CCDC144A: variants seen among roughly 807,000 people sequenced by gnomAD.
CCDC144A encodes coiled-coil domain-containing protein 144A.
CCDC144A carries 41 observed loss-of-function variants against 143.8 expected under a neutral mutation model. The ratio of observed to expected loss-of-function variants is 0.29; its 90% CI spans 0.22 to 0.37. The LOEUF (loss-of-function observed/expected upper bound fraction) is 0.37. Among genes scored for constraint, CCDC144A ranks in the 10% least tolerant of loss-of-function variants. CCDC144A has a pLI of 1.00. For missense variants in CCDC144A, 637 were observed against 1,488.8 expected, an observed-to-expected ratio of 0.43 and a Z score of 9.41; for synonymous variants, 242 against 517.9, an observed-to-expected ratio of 0.47 and a Z score of 7.23.
intron 12 of CCDC144A, among the ~76,000 whole-genome samples, chr17:16,743,687 C>G (rs1450291996): frequency 6.6e-6 from 1 of 152,000 alleles, no homozygotes; most frequent in Non-Finnish European, 1.5e-5. Flanking sequence ...CTTATTCTTT[C>G]TCTTTCTTAA....
rs1437510736 is a variant in CCDC144A at position 16,775,222 on chromosome 17, A to G, written c.*1589A>G. 13 of 152,236 alleles carry G rather than the reference A, an allele frequency of 8.5e-5. No individual in the cohort carries two copies. Among genetic ancestry groups the G allele is most frequent in the Non-Finnish European group, 1.8e-4 (12 of 68,052 alleles). The allele number at this position is 152,236 out of a possible 1,614,324, so 9.4% of individuals were successfully genotyped here. On this transcript the variant is annotated 3_prime_UTR_variant, in exon 17 of 17. Transcript: ENST00000399273. ...GAATTAGTTATATTCCTTTGGGTAT[A>G]TACCAAGTAATGGGATTGCTGGGTT...
chr17:16,726,654 CA>C (rs1198684612), intron 8 of CCDC144A, among the ~76,000 whole-genome samples: 2 of 151,958 alleles, frequency 1.3e-5, no homozygotes, highest in African/African-American at 4.8e-5. Context: ...TGTTTCTTTC[CA>C]GTGTTTTTTA....
chr17:16,690,762 G>T lies in CCDC144A; in HGVS notation c.344+18G>T. On this transcript the variant is annotated intron_variant, in intron 1 of 16. Coordinates refer to ENST00000399273, the MANE Select transcript of CCDC144A (RefSeq NM_001382000.1). ...AAGAAGAGGTAATGGCCAGGCGAAG[G>T]ATGCGCCGTCCTGTCGGGGACACTG... is the stretch of plus-strand genomic sequence containing the variant. The T allele has an allele frequency of 1.3e-6, 2 of 1,585,302 alleles. No homozygotes were observed. Among genetic ancestry groups the T allele is most frequent in the Non-Finnish European group, 1.7e-6 (2 of 1,161,600 alleles).
chr17:16,777,021 C>T lies in CCDC144A; in HGVS notation c.*3388C>T, dbSNP rs1215490861. The stretch of plus-strand genomic sequence containing the variant: ...GGCAAAGGGTTGGAAAAAGACACTT[C>T]GTCTAAATGGACACATCAAAAGCGA... On this transcript the variant is annotated 3_prime_UTR_variant, in exon 17 of 17. Coordinates refer to ENST00000399273, the MANE Select transcript of CCDC144A (RefSeq NM_001382000.1). 45 of 139,152 alleles carry T rather than the reference C, an allele frequency of 3.2e-4. No homozygotes were observed. Among genetic ancestry groups the T allele is most frequent in the African/African-American group, 1.1e-3 (40 of 35,746 alleles). 8.6% of individuals were successfully genotyped at this position (139,152 alleles called of 1,614,324 possible).
At chr17:16,742,457 T>C (rs1341247145) in intron 12 of CCDC144A, among the ~76,000 whole-genome samples, 1 of 152,182 alleles carries the variant, frequency 6.6e-6, no homozygotes, top group Non-Finnish European at 1.5e-5. Context: ...ATCAACCACA[T>C]TGATCTGTTG....
At chr17:16,733,498 C>T (rs184926250) in intron 11 of CCDC144A, among the ~76,000 whole-genome samples, 230 of 147,326 alleles carry the variant, frequency 1.6e-3, no homozygotes, top group African/African-American at 5.4e-3. Context: ...TGCGAGACTC[C>T]GTCTCAAAAA....
At chr17:16,711,144 A>AAAAAAAAC (rs1555531715) in intron 5 of CCDC144A, among the ~76,000 whole-genome samples, 6 of 135,522 alleles carry the variant, frequency 4.4e-5, no homozygotes, top group African/African-American at 1.4e-4. Context: ...ATGAAAAAAA[A>AAAAAAAAC]AAAAAAAAAA....
At chr17:16,737,205 C>T (rs1027204482) in intron 12 of CCDC144A, among the ~76,000 whole-genome samples, 5 of 119,424 alleles carry the variant, frequency 4.2e-5, no homozygotes, top group South Asian at 2.8e-4. Context: ...CTCGCTCTGT[C>T]GCCCAGGCTG....
chr17:16,772,138 T>C (rs1424716406), intron 16 of CCDC144A, 119 bp downstream of exon 16: 1 of 631,532 alleles, frequency 1.6e-6, no homozygotes, highest in Non-Finnish European at 2.8e-6. Context: ...TATTCTTTCA[T>C]ATACATCTAA....
At chr17:16,696,696 C>T (rs923507559) in intron 2 of CCDC144A, among the ~76,000 whole-genome samples, 2 of 151,118 alleles carry the variant, frequency 1.3e-5, no homozygotes, top group African/African-American at 4.9e-5. Flanking sequence ...TTCCTGTAGG[C>T]CATGGGAAAT....
chr17:16,683,672 A>C, the CCDC144A span: 2 of 1,606,014 alleles, frequency 1.2e-6, no homozygotes, highest in African/African-American at 2.7e-5. Context: ...CGGAAGTTTC[A>C]GAAGGGCAGG....
chr17:16,673,429 C>T, the CCDC144A span, among the ~76,000 whole-genome samples: 1 of 150,940 alleles, frequency 6.6e-6, no homozygotes, highest in African/African-American at 2.4e-5. Context: ...TTTTGTTGCC[C>T]AGGCTGGAGT....
rs1912237324 is a variant in CCDC144A at position 16,709,173 on chromosome 17, C to T, written c.1116C>T (p.Ile372=). The T allele has an allele frequency of 6.2e-7, 1 of 1,611,706 alleles. No individual in the cohort carries two copies. The highest frequency in any genetic ancestry group is 8.5e-7 in the Non-Finnish European group (1 of 1,179,650). ...PEQKEPSLKN[I]IHPYYHPYSG... ...AAAAAGAACCCAGTCTCAAAAATAT[C>T]ATCCATCCATACTATCATCCATACT... is the stretch of plus-strand genomic sequence containing the variant. The change falls in exon 5 of 17, where the codon ATC becomes ATT. Residue 372 remains isoleucine (I), a synonymous_variant. Coordinates refer to ENST00000399273, the MANE Select transcript of CCDC144A (RefSeq NM_001382000.1).
chr17:16,677,814 G>T, the CCDC144A span, among the ~76,000 whole-genome samples: 3 of 125,910 alleles, frequency 2.4e-5, no homozygotes. Context: ...CTCAAAAAAA[G>T]AAAAAAAAAA....
intron 15 of CCDC144A, among the ~76,000 whole-genome samples, chr17:16,770,933 G>A (rs1436969542): frequency 6.6e-6 from 1 of 151,902 alleles, no homozygotes; most frequent in Non-Finnish European, 1.5e-5. Flanking sequence ...TATCTATAAT[G>A]TTTTTGTCAC....
intron 2 of CCDC144A, among the ~76,000 whole-genome samples, chr17:16,704,050 A>G (rs1280822544): frequency 2.6e-5 from 4 of 152,234 alleles, no homozygotes; most frequent in African/African-American, 9.6e-5. Context: ...TTTAGAGTCA[A>G]CATTTTAAAC....
the CCDC144A span, among the ~76,000 whole-genome samples, chr17:16,676,108 C>T: frequency 6.6e-6 from 1 of 151,954 alleles, no homozygotes; most frequent in Non-Finnish European, 1.5e-5. Flanking sequence ...AAATTGCATA[C>T]TGTGATTGCT....
chr17:16,680,257 A>G, the CCDC144A span, among the ~76,000 whole-genome samples: 9 of 151,956 alleles, frequency 5.9e-5, no homozygotes, highest in Non-Finnish European at 1.2e-4. Flanking sequence ...GGTGAACCCC[A>G]TCTCTCCAAA....
chr17:16,697,516 A>G (rs1648982523), intron 2 of CCDC144A, among the ~76,000 whole-genome samples: 1 of 152,244 alleles, frequency 6.6e-6, no homozygotes. Flanking sequence ...TATCAGAGCT[A>G]TAGTTTCCTT....
Sources: allele counts gnomAD v4.1 joint callset (sites outside exome capture counted in the v4.1 genomes callset), GRCh38; gene constraint gnomAD v4.1.1; transcripts MANE v1.5; gene names NCBI Gene and HGNC (gene_info 2026-07-23, HGNC 2026-07-21).